The following CLYBL variants were observed in gnomAD, a reference collection of about 807,000 sequenced individuals.
CLYBL encodes citramalyl-CoA lyase.
In CLYBL, 31 loss-of-function variants were observed where a neutral mutation model predicts 38.9. The observed-to-expected ratio is 0.80, with a 90% CI of 0.60 to 1.08. The LOEUF (loss-of-function observed/expected upper bound fraction) is 1.08. Ranked by LOEUF, CLYBL falls within the 50% of genes least tolerant of loss-of-function variation. The pLI is 0.00. For missense variants in CLYBL, 434 were observed against 411.6 expected, an observed-to-expected ratio of 1.05 and a Z score of -0.47; for synonymous variants, 171 against 158.6, an observed-to-expected ratio of 1.08 and a Z score of -0.59.
At chr13:99,757,546 C>G (rs1046662781) in intron 1 of CLYBL, among the ~76,000 whole-genome samples, 5 of 152,166 alleles carry the variant, frequency 3.3e-5, no homozygotes, top group Non-Finnish European at 7.3e-5. Flanking sequence ...ACTTCCGCCT[C>G]TTGGGTTCAA....
At chr13:99,779,905 T>C (rs2049604174) in intron 2 of CLYBL, among the ~76,000 whole-genome samples, 1 of 152,214 alleles carries the variant, frequency 6.6e-6, no homozygotes, top group Non-Finnish European at 1.5e-5. Flanking sequence ...CATGACCAAC[T>C]ACATTAGCCA....
chr13:99,711,695 C>T lies in CLYBL; in HGVS notation c.63-61129C>T, dbSNP rs185019171. The stretch of plus-strand genomic sequence containing the variant: ...TGCTGGGATTACAGGCGTGAGCCAC[C>T]GCACGCAGCTTTTTTTATTTTTTAT... On this transcript the variant is annotated intron_variant, in intron 1 of 8. Coordinates refer to ENST00000339105, the MANE Select transcript of CLYBL (RefSeq NM_206808.5). 5.8e-4 allele frequency among the ~76,000 whole-genome samples: 87 copies of T among 150,352 alleles called. 1 individual carries two copies. The South Asian group carries it at 8.8e-3, about 15-fold the overall frequency.
chr13:99,668,585 C>CA (rs61178644), intron 1 of CLYBL, among the ~76,000 whole-genome samples: 86,984 of 133,410 alleles, frequency 0.65, 28,578 homozygotes, highest in Non-Finnish European at 0.73. Context: ...AACTCCATCT[C>CA]AAAAAAAAAA....
At chr13:99,872,010 A>G (rs2051916558) in intron 7 of CLYBL, among the ~76,000 whole-genome samples, 1 of 152,032 alleles carries the variant, frequency 6.6e-6, no homozygotes, top group African/African-American at 2.4e-5. Context: ...AAAAAAAGAA[A>G]AAGAAAAACT....
chr13:99,668,886 T>C (rs1209608434), intron 1 of CLYBL, among the ~76,000 whole-genome samples: 1 of 151,832 alleles, frequency 6.6e-6, no homozygotes, highest in Admixed American at 6.6e-5. Context: ...AGGTGAAGAG[T>C]GCAGAAGCCA....
intron 2 of CLYBL, among the ~76,000 whole-genome samples, chr13:99,858,151 A>C (rs1308931160): frequency 2.0e-5 from 3 of 152,236 alleles, no homozygotes; most frequent in Admixed American, 6.5e-5. Context: ...ATACTGAAGC[A>C]GACTTTCAGC....
intron 9 of CLYBL, among the ~76,000 whole-genome samples, chr13:99,907,466 G>C (rs1186510115): frequency 2.0e-5 from 3 of 151,906 alleles, no homozygotes; most frequent in Non-Finnish European, 4.4e-5. Context: ...ACAATAAAAT[G>C]TTAGCAATTG....
At chr13:99,684,369 GC>G (rs774714554) in intron 1 of CLYBL, among the ~76,000 whole-genome samples, 1 of 151,890 alleles carries the variant, frequency 6.6e-6, no homozygotes, top group African/African-American at 2.4e-5. Flanking sequence ...TAGCCACCGG[GC>G]CCGGCCCAGT....
intron 1 of CLYBL, among the ~76,000 whole-genome samples, chr13:99,717,698 G>A (rs1481977352): frequency 6.6e-6 from 1 of 151,952 alleles, no homozygotes; most frequent in Admixed American, 6.6e-5. Context: ...GGGCTCAAGT[G>A]ATCCTCCCAC....
chr13:99,775,465 T>C (rs2049492014), intron 2 of CLYBL, among the ~76,000 whole-genome samples: 2 of 152,188 alleles, frequency 1.3e-5, no homozygotes, highest in South Asian at 4.1e-4. Context: ...GACATTGCAA[T>C]GTGCTAGACA....
chr13:99,700,591 C>T (rs547072039), intron 1 of CLYBL, among the ~76,000 whole-genome samples: 6 of 152,284 alleles, frequency 3.9e-5, no homozygotes, highest in Non-Finnish European at 5.9e-5. Flanking sequence ...GCTTTGACTC[C>T]CTCAAGTTTC....
intron 1 of CLYBL, among the ~76,000 whole-genome samples, chr13:99,713,909 A>T (rs528614485): frequency 5.9e-5 from 9 of 152,190 alleles, no homozygotes; most frequent in African/African-American, 1.9e-4. Context: ...GTTGGTCTCA[A>T]ACTCCTGGGC....
intron 2 of CLYBL, among the ~76,000 whole-genome samples, chr13:99,847,031 C>T (rs1005624032): frequency 2.0e-4 from 30 of 152,118 alleles, no homozygotes; most frequent in Non-Finnish European, 3.2e-4. Flanking sequence ...CAATTTGGAT[C>T]GGCTTCCAGT....
intron 2 of CLYBL, among the ~76,000 whole-genome samples, chr13:99,830,376 C>T (rs1406594773): frequency 4.6e-5 from 7 of 152,184 alleles, no homozygotes; most frequent in Non-Finnish European, 7.3e-5. Flanking sequence ...CAGGCACTGA[C>T]GCACATAAAG....
intron 1 of CLYBL, among the ~76,000 whole-genome samples, chr13:99,761,554 GTTTC>G (rs1228787706): frequency 6.6e-6 from 1 of 152,092 alleles, no homozygotes; most frequent in Non-Finnish European, 1.5e-5. Flanking sequence ...TCACGTAACA[GTTTC>G]TTTATGCATT....
At chr13:99,696,848 TGAAAA>T (rs781580753) in intron 1 of CLYBL, among the ~76,000 whole-genome samples, 6 of 151,984 alleles carry the variant, frequency 3.9e-5, no homozygotes, top group African/African-American at 9.7e-5. Flanking sequence ...AAGAAAAAGA[TGAAAA>T]GAAAGATGAG....
At chr13:99,740,651 A>G (rs2048738865) in intron 1 of CLYBL, among the ~76,000 whole-genome samples, 1 of 152,230 alleles carries the variant, frequency 6.6e-6, no homozygotes, top group African/African-American at 2.4e-5. Flanking sequence ...ACACGTATAG[A>G]TTCTGCATCT....
At chr13:99,636,363 T>C (rs1385951135) in intron 1 of CLYBL, among the ~76,000 whole-genome samples, 1 of 152,200 alleles carries the variant, frequency 6.6e-6, no homozygotes, top group Non-Finnish European at 1.5e-5. Flanking sequence ...GAGTGGTCAA[T>C]ATAGAAAGGT....
intron 2 of CLYBL, among the ~76,000 whole-genome samples, chr13:99,824,361 A>G (rs2050652792): frequency 6.8e-6 from 1 of 146,144 alleles, no homozygotes; most frequent in Admixed American, 7.2e-5. Context: ...AGAGATATGT[A>G]TTATAGCATA....
Sources: allele counts gnomAD v4.1 joint callset (sites outside exome capture counted in the v4.1 genomes callset), GRCh38; gene constraint gnomAD v4.1.1; transcripts MANE v1.5; gene names NCBI Gene and HGNC (gene_info 2026-07-23, HGNC 2026-07-21).